Variants in LTBP1 observed in about 807,000 individuals in gnomAD.
The protein encoded by LTBP1 is latent-transforming growth factor beta-binding protein 1.
In LTBP1, 129 loss-of-function variants were observed where a neutral mutation model predicts 207.6. The ratio of observed to expected loss-of-function variants is 0.62; its 90% CI spans 0.54 to 0.72. The LOEUF (loss-of-function observed/expected upper bound fraction) is 0.72, where lower values mean the gene tolerates loss of function less well. Ranked by LOEUF, LTBP1 falls within the 30% of genes least tolerant of loss-of-function variation. The pLI is 0.00. For synonymous variants in LTBP1, 963 were observed against 833.7 expected, an observed-to-expected ratio of 1.16 and a Z score of -2.67; for missense variants, 2,281 against 2,217.2, an observed-to-expected ratio of 1.03 and a Z score of -0.58.
Position 33,265,569 on chromosome 2 carries a change from C to T in LTBP1, c.2617+2177C>T, listed in dbSNP as rs147920167. On this transcript the variant is annotated intron_variant, in intron 15 of 33. Coordinates refer to ENST00000404816, the MANE Select transcript of LTBP1 (RefSeq NM_206943.4). ...TGAAATATAGCAGGAAGTAGTCATA[C>T]AATATTGCTAAATTTAAGATGAAGG... Among the ~76,000 whole-genome samples the T allele has an allele frequency of 1.4e-4, 22 of 151,994 alleles. No homozygotes were observed. In the East Asian group the frequency reaches 3.9e-3, roughly 27 times the overall value.
chr2:33,310,605 C>G (rs971780345), intron 23 of LTBP1, among the ~76,000 whole-genome samples: 2 of 151,922 alleles, frequency 1.3e-5, no homozygotes, highest in Non-Finnish European at 2.9e-5. Flanking sequence ...AGATTTGAAC[C>G]CAGGGTCTTT....
chr2:33,306,643 G>A (rs1192411616), intron 22 of LTBP1, among the ~76,000 whole-genome samples: 1 of 151,722 alleles, frequency 6.6e-6, no homozygotes, highest in Non-Finnish European at 1.5e-5. Context: ...TCTAGGTTAT[G>A]AAGTGTTTTT....
Position 33,365,454 on chromosome 2 carries a change from T to C in LTBP1, c.4662T>C (p.Tyr1554=), listed in dbSNP as rs759524857. 6.2e-7 allele frequency: 1 copy of C among 1,614,160 alleles called. No individual in the cohort carries two copies. Among genetic ancestry groups the C allele is most frequent in the South Asian group, 1.1e-5 (1 of 91,086 alleles). Reference sequence around the variant, plus strand: ...CGTACACTGAGTGCTGCTGTCTGTATGGAGAGGCCTGGGGCATGCAGTGTG... The same window carrying C: ...CGTACACTGAGTGCTGCTGTCTGTACGGAGAGGCCTGGGGCATGCAGTGTG... ...QTTYTECCCL[Y]GEAWGMQCAL... The change falls in exon 31 of 34, where the codon TAT becomes TAC. Residue 1554 remains tyrosine, a synonymous_variant. Coordinates refer to ENST00000404816, the MANE Select transcript of LTBP1 (RefSeq NM_206943.4).
intron 7 of LTBP1, among the ~76,000 whole-genome samples, chr2:33,202,022 A>AACACACACACAG (rs1315145413): frequency 1.8e-3 from 250 of 140,672 alleles, no homozygotes; most frequent in African/African-American, 4.9e-3. Context: ...TTAGCACTGG[A>AACACACACACAG]ACACACACAC....
intron 2 of LTBP1, among the ~76,000 whole-genome samples, chr2:32,956,991 C>T (rs1678178979): frequency 6.6e-6 from 1 of 152,212 alleles, no homozygotes; most frequent in Non-Finnish European, 1.5e-5. Flanking sequence ...TAGGTCTCAA[C>T]AGTGGGGTTA....
At chr2:33,020,370 T>C (rs2075106145) in intron 2 of LTBP1, among the ~76,000 whole-genome samples, 1 of 152,190 alleles carries the variant, frequency 6.6e-6, no homozygotes, top group South Asian at 2.1e-4. Context: ...GCAAAAAATT[T>C]AGGCTTAAAA....
intron 25 of LTBP1, among the ~76,000 whole-genome samples, chr2:33,345,260 T>C (rs1212852603): frequency 1.3e-5 from 2 of 152,186 alleles, no homozygotes; most frequent in African/African-American, 2.4e-5. Flanking sequence ...AACTTTTCAC[T>C]CCTCACACTC....
intron 32 of LTBP1, among the ~76,000 whole-genome samples, chr2:33,392,692 G>A (rs2095325270): frequency 1.3e-5 from 2 of 152,212 alleles, no homozygotes; most frequent in Non-Finnish European, 2.9e-5. Flanking sequence ...GTATTTTGGG[G>A]AGCCTGCCTG....
At chr2:32,983,369 A>G (rs1348668835) in intron 2 of LTBP1, among the ~76,000 whole-genome samples, 1 of 152,170 alleles carries the variant, frequency 6.6e-6, no homozygotes, top group Non-Finnish European at 1.5e-5. Flanking sequence ...ACAGGCTCAT[A>G]GGTAGAAGGG....
intron 9 of LTBP1, among the ~76,000 whole-genome samples, chr2:33,229,980 T>C (rs1268059211): frequency 6.6e-6 from 1 of 152,250 alleles, no homozygotes; most frequent in Non-Finnish European, 1.5e-5. Context: ...CTATTGAAAT[T>C]ACTATTGAGA....
At chr2:33,051,136 G>C (rs942520829) in intron 3 of LTBP1, among the ~76,000 whole-genome samples, 1 of 152,152 alleles carries the variant, frequency 6.6e-6, no homozygotes, top group East Asian at 1.9e-4. Flanking sequence ...TATAGTCCCC[G>C]CCCGTTGTGG....
Position 33,188,660 on chromosome 2 carries a change from G to A in LTBP1, c.1510G>A (p.Asp504Asn), listed in dbSNP as rs1449446126. The A allele has an allele frequency of 6.2e-7, 1 of 1,614,064 alleles. No homozygotes were observed. Among genetic ancestry groups the A allele is most frequent in the Non-Finnish European group, 8.5e-7 (1 of 1,180,016 alleles). ...SVQIHQVSRI[D>N]GPTGQKTKEA... ...CCAGATACATCAGGTTTCAAGAATT[G>A]ATGGCCCAACAGGCCAGAAGACAAA... Residue 504 changes from aspartate to asparagine, a missense_variant, in exon 7 of 34, where the codon GAT becomes AAT. By Grantham distance (23) the Asp-to-Asn change is conservative. Around this residue, in one of 3 missense-constraint regions of LTBP1, gnomAD observed 1,671 missense variants for 1,634.8 expected, o/e 1.02. Coordinates refer to ENST00000404816, the MANE Select transcript of LTBP1 (RefSeq NM_206943.4).
intron 5 of LTBP1, among the ~76,000 whole-genome samples, chr2:33,135,226 G>A (rs1176999631): frequency 6.6e-6 from 1 of 152,180 alleles, no homozygotes; most frequent in African/African-American, 2.4e-5. Context: ...AATATATATA[G>A]TAGAAGAGAA....
At chr2:33,090,523 G>A (rs1187523020) in intron 3 of LTBP1, among the ~76,000 whole-genome samples, 1 of 152,148 alleles carries the variant, frequency 6.6e-6, no homozygotes, top group Non-Finnish European at 1.5e-5. Context: ...TGCTGTTCGT[G>A]AATTACCCAT....
intron 25 of LTBP1, among the ~76,000 whole-genome samples, chr2:33,346,958 T>TACAAA (rs1299422551): frequency 4.0e-5 from 6 of 151,466 alleles, no homozygotes; most frequent in African/African-American, 1.5e-4. Flanking sequence ...CTACTTAAAA[T>TACAAA]ACAAAACAAA....
At chr2:33,041,374 G>T (rs796166959) in intron 3 of LTBP1, among the ~76,000 whole-genome samples, 11 of 151,750 alleles carry the variant, frequency 7.2e-5, no homozygotes, top group African/African-American at 2.7e-4. Flanking sequence ...AACCTCCGCC[G>T]CCTGGGTTCA....
rs563850095 is a variant in LTBP1, at chr2:33,365,509, C to A, written c.4711+6C>A. On this transcript the variant is annotated splice_donor_region_variant and intron_variant, in intron 31 of 33. Coordinates refer to ENST00000404816, the MANE Select transcript of LTBP1 (RefSeq NM_206943.4). ...CTGCCCCCTGAAGGATTCAGGTGAGCCCATATCCAATTCCTTCTGCAGGAG... is the reference window on the plus strand; with the variant it reads ...CTGCCCCCTGAAGGATTCAGGTGAGACCATATCCAATTCCTTCTGCAGGAG... 6.2e-7 allele frequency: 1 copy of A among 1,611,024 alleles called. No homozygotes were observed. The highest frequency in any genetic ancestry group is 1.7e-5 in the Admixed American group (1 of 59,560).
chr2:33,317,054 A>C (rs991508389), intron 24 of LTBP1, among the ~76,000 whole-genome samples: 1 of 152,214 alleles, frequency 6.6e-6, no homozygotes, highest in Admixed American at 6.5e-5. Context: ...ATATATTCAC[A>C]ATTATTTTGT....
At chr2:33,394,295 T>C (rs2095341240) in intron 32 of LTBP1, among the ~76,000 whole-genome samples, 1 of 152,222 alleles carries the variant, frequency 6.6e-6, no homozygotes, top group African/African-American at 2.4e-5. Flanking sequence ...AGCTTTTTAG[T>C]CTAATTAGAT....
Sources: gnomAD v4.1 joint callset for allele counts (sites outside exome capture counted in the v4.1 genomes callset) on GRCh38, gnomAD v4.1.1 for gene constraint, gnomAD v4.1.1 regional missense constraint, MANE v1.5 for transcripts, NCBI Gene and HGNC (gene_info 2026-07-23, HGNC 2026-07-21) for gene names.